The following NCOA2 variants were observed in gnomAD, a reference collection of about 807,000 sequenced individuals.
The protein encoded by NCOA2 is nuclear receptor coactivator 2.
A neutral mutation model predicts 145.1 loss-of-function variants in NCOA2; 21 were observed. The ratio of observed to expected loss-of-function variants is 0.14; its 90% CI spans 0.10 to 0.21. NCOA2 has a LOEUF of 0.21. NCOA2 is among the 10% of genes least tolerant of loss of function. The probability of loss-of-function intolerance (pLI) is 1.00; values close to 1 mark genes in which losing one functional copy is unlikely to be tolerated. For synonymous variants in NCOA2, 619 were observed against 637.5 expected (o/e 0.97, Z 0.44); for missense variants, 1,472 against 1,837.6 (o/e 0.80, Z 3.64).
intron 1 of NCOA2, 24 bp from the exon 2 acceptor site, chr8:70,296,824 A>T (rs892428872): frequency 4.6e-5 from 7 of 152,162 alleles, no homozygotes; most frequent in Non-Finnish European, 1.0e-4. Flanking sequence ...AAACAAATAA[A>T]CGTGAATAAA....
At chr8:70,271,952 T>C (rs1489117259) in intron 2 of NCOA2, among the ~76,000 whole-genome samples, 1 of 151,696 alleles carries the variant, frequency 6.6e-6, no homozygotes, top group African/African-American at 2.4e-5. Context: ...TGTACAGATA[T>C]CCCAGTAAAT....
At chr8:70,145,870 A>T (rs1811004051) in intron 12 of NCOA2, among the ~76,000 whole-genome samples, 1 of 151,812 alleles carries the variant, frequency 6.6e-6, no homozygotes, top group Non-Finnish European at 1.5e-5. Context: ...GCCTCAAGTG[A>T]TCCTCCTGCC....
chr8:70,390,242 T>G (rs1405294609), intron 1 of NCOA2, among the ~76,000 whole-genome samples: 1 of 152,228 alleles, frequency 6.6e-6, no homozygotes, highest in Non-Finnish European at 1.5e-5. Flanking sequence ...TTCAGAAAAG[T>G]GCAGGGCCTG....
intron 4 of NCOA2, among the ~76,000 whole-genome samples, chr8:70,208,569 A>G (rs1818707583): frequency 6.6e-6 from 1 of 152,194 alleles, no homozygotes; most frequent in Non-Finnish European, 1.5e-5. Context: ...CTCATTTCGA[A>G]GCTTGAAAGG....
At chr8:70,354,919 T>C (rs1809552318) in intron 1 of NCOA2, among the ~76,000 whole-genome samples, 2 of 152,250 alleles carry the variant, frequency 1.3e-5, no homozygotes, top group Non-Finnish European at 2.9e-5. Context: ...ATAATGAATT[T>C]ATTTATGGGA....
intron 4 of NCOA2, among the ~76,000 whole-genome samples, chr8:70,187,482 C>T (rs1816203811): frequency 6.6e-6 from 1 of 152,174 alleles, no homozygotes; most frequent in African/African-American, 2.4e-5. Flanking sequence ...GAAATCAGAA[C>T]AAATGTCTAT....
At chr8:70,186,740 G>A (rs932427355) in intron 4 of NCOA2, among the ~76,000 whole-genome samples, 3 of 152,324 alleles carry the variant, frequency 2.0e-5, no homozygotes, top group East Asian at 1.9e-4. Context: ...TCACTGTATT[G>A]AGAGTAAGAG....
In NCOA2 at chr8:70,247,226, A is replaced by G. The variant is rs141695037; in HGVS notation, c.-19-30462T>C. ...AATGATTAGTGAGGTGTCAGGGAAC[A>G]TAAGTTTCCATAAAGACCTGAGCAA... On this transcript the variant is annotated intron_variant, in intron 2 of 22. Coordinates refer to ENST00000452400, the MANE Select transcript of NCOA2 (RefSeq NM_006540.4). Among the ~76,000 whole-genome samples, 753 of 152,320 alleles carry G rather than the reference A, an allele frequency of 4.9e-3. 5 individuals are homozygous for G. Among genetic ancestry groups the G allele is most frequent in the Non-Finnish European group, 7.5e-3 (509 of 68,016 alleles).
chr8:70,209,150 G>C (rs1247589329), intron 4 of NCOA2, among the ~76,000 whole-genome samples: 4 of 152,194 alleles, frequency 2.6e-5, no homozygotes, highest in Admixed American at 6.5e-5. Flanking sequence ...GACTTGGAGG[G>C]ATTCCTGACT....
chr8:70,401,499 A>G (rs1204749104), intron 1 of NCOA2, among the ~76,000 whole-genome samples: 1 of 151,938 alleles, frequency 6.6e-6, no homozygotes, highest in African/African-American at 2.4e-5. Context: ...TTAGTTCCCA[A>G]CTTCATTTTG....
chr8:70,417,701 T>C, the NCOA2 span, among the ~76,000 whole-genome samples: 1 of 152,186 alleles, frequency 6.6e-6, no homozygotes, highest in Admixed American at 6.5e-5. Flanking sequence ...TCATGAAAGA[T>C]CTAAGTAAGC....
chr8:70,162,888 T>C (rs752892152), intron 8 of NCOA2, 34 bp from the exon 9 acceptor site: 60 of 1,549,084 alleles, frequency 3.9e-5, no homozygotes, highest in African/African-American at 3.8e-4. Context: ...TACCTACATG[T>C]TGATCTATTC....
At chr8:70,425,613 T>G in the NCOA2 span, among the ~76,000 whole-genome samples, 2 of 152,188 alleles carry the variant, frequency 1.3e-5, no homozygotes, top group African/African-American at 4.8e-5. Flanking sequence ...TCACCGTGCT[T>G]CACCCAAATC....
chr8:70,331,456 CA>C (rs1196494841), intron 1 of NCOA2, among the ~76,000 whole-genome samples: 1 of 152,090 alleles, frequency 6.6e-6, no homozygotes, highest in Non-Finnish European at 1.5e-5. Flanking sequence ...TATTAAATTA[CA>C]GATTTTTTCC....
chr8:70,319,950 C>A (rs752192519), intron 1 of NCOA2, among the ~76,000 whole-genome samples: 35 of 152,092 alleles, frequency 2.3e-4, no homozygotes, highest in Non-Finnish European at 4.7e-4. Context: ...TTTTAACTGT[C>A]CGATTTGTCA....
chr8:70,341,823 T>C (rs1051222570), intron 1 of NCOA2, among the ~76,000 whole-genome samples: 2 of 152,196 alleles, frequency 1.3e-5, no homozygotes, highest in Non-Finnish European at 2.9e-5. Context: ...TAGGATGAAT[T>C]TTCCAATGCT....
intron 1 of NCOA2, among the ~76,000 whole-genome samples, chr8:70,399,216 A>AT (rs1813991679): frequency 6.6e-6 from 1 of 152,258 alleles, no homozygotes; most frequent in Non-Finnish European, 1.5e-5. Context: ...AATATGACAT[A>AT]TTCTTTTTAC....
intron 2 of NCOA2, among the ~76,000 whole-genome samples, chr8:70,218,197 TAG>T (rs1819813481): frequency 4.6e-5 from 4 of 87,634 alleles, no homozygotes; most frequent in Admixed American, 3.0e-4. Context: ...GCAGTGGAGT[TAG>T]TTTTTTTTTT....
In NCOA2 at chr8:70,138,223, C is replaced by G. The variant is rs199585105; in HGVS notation, c.3138G>C (p.Ala1046=). 2.0e-5 allele frequency: 32 copies of G among 1,613,576 alleles called. No homozygotes were observed. The African/African-American group carries it at 4.1e-4, about 21-fold the overall frequency. The change falls in exon 15 of 23, where the codon GCG becomes GCC. Residue 1046 remains alanine (A), a synonymous_variant. Transcript: ENST00000452400. The part of the protein sequence containing the change: ...WPESILPIDQ[A]SFASQNRQPF... The stretch of plus-strand genomic sequence containing the variant: ...CTCACCTGTTTTGGCTGGCAAAAGA[C>G]GCCTGGTCTATAGGCAGGATGCTTT...
Sources: gnomAD v4.1 joint callset for allele counts (sites outside exome capture counted in the v4.1 genomes callset) on GRCh38, gnomAD v4.1.1 for gene constraint, MANE v1.5 for transcripts, NCBI Gene and HGNC (gene_info 2026-07-23, HGNC 2026-07-21) for gene names.